The following CSMD1 variants were observed in gnomAD, a reference collection of about 807,000 sequenced individuals.
CSMD1 encodes the protein CUB and Sushi multiple domains 1, also known as CUB and sushi domain-containing protein 1.
Under a neutral mutation model 417.5 loss-of-function variants are expected in CSMD1, and 213 were observed. That is an observed-to-expected ratio of 0.51 (90% CI 0.46 to 0.57). The LOEUF (loss-of-function observed/expected upper bound fraction) is 0.57. CSMD1 is among the 20% of genes least tolerant of loss of function. The probability of loss-of-function intolerance (pLI) is 0.00; values close to 1 mark genes in which losing one functional copy is unlikely to be tolerated. For synonymous variants in CSMD1, 2,862 were observed against 1,736.8 expected (o/e 1.65, Z -16.11); for missense variants, 6,923 against 4,529.7 (o/e 1.53, Z -15.17).
intron 12 of CSMD1, among the ~76,000 whole-genome samples, chr8:3,443,548 T>C (rs935635093): frequency 6.6e-6 from 1 of 152,192 alleles, no homozygotes; most frequent in Non-Finnish European, 1.5e-5. Context: ...TACAAATTAG[T>C]ATTTACAGGG....
At chr8:4,234,371 A>G (rs761405511) in intron 3 of CSMD1, among the ~76,000 whole-genome samples, 10 of 152,106 alleles carry the variant, frequency 6.6e-5, no homozygotes, top group Non-Finnish European at 1.2e-4. Context: ...CAGGAGTGGA[A>G]GATGTGTGGC....
At chr8:3,405,326 G>C (rs1019190072) in intron 15 of CSMD1, among the ~76,000 whole-genome samples, 2 of 152,080 alleles carry the variant, frequency 1.3e-5, no homozygotes, top group Non-Finnish European at 2.9e-5. Flanking sequence ...TTTTTAAAAT[G>C]AGTAATTATT....
intron 18 of CSMD1, among the ~76,000 whole-genome samples, chr8:3,382,034 G>A (rs1425587548): frequency 6.6e-6 from 1 of 152,158 alleles, no homozygotes; most frequent in African/African-American, 2.4e-5. Context: ...GAGGCAGGCA[G>A]ATTACCTGAG....
At chr8:3,282,798 C>A (rs1327344776) in intron 26 of CSMD1, among the ~76,000 whole-genome samples, 2 of 152,116 alleles carry the variant, frequency 1.3e-5, no homozygotes, top group African/African-American at 2.4e-5. Context: ...ATATTAGCAA[C>A]CTTTTAAAGC....
chr8:3,771,813 G>C (rs936949870), intron 5 of CSMD1, among the ~76,000 whole-genome samples: 2 of 152,034 alleles, frequency 1.3e-5, no homozygotes, highest in Admixed American at 6.6e-5. Flanking sequence ...TTTACTATGA[G>C]GCAGAATGAT....
chr8:4,729,751 G>A (rs778292181), intron 1 of CSMD1, among the ~76,000 whole-genome samples: 29 of 152,100 alleles, frequency 1.9e-4, no homozygotes, highest in Admixed American at 6.6e-4. Context: ...CTGTAGGGAA[G>A]GATCTCATAA....
chr8:4,229,012 T>G (rs368958033), intron 3 of CSMD1, among the ~76,000 whole-genome samples: 2 of 152,152 alleles, frequency 1.3e-5, no homozygotes, highest in African/African-American at 4.8e-5. Flanking sequence ...TCCATGAAAT[T>G]GAGACACATA....
intron 5 of CSMD1, among the ~76,000 whole-genome samples, chr8:3,821,941 C>A (rs1444567535): frequency 6.6e-6 from 1 of 152,164 alleles, no homozygotes; most frequent in Non-Finnish European, 1.5e-5. Context: ...GAGAGGTTTT[C>A]CTACATTTCC....
chr8:3,205,475 A>G (rs1374122985), intron 31 of CSMD1, 29 bp downstream of exon 31: 2 of 1,092,002 alleles, frequency 1.8e-6, no homozygotes, highest in Admixed American at 4.4e-5. Context: ...AAATATGACA[A>G]TGAATTAAAA....
chr8:2,970,812 A>C (rs932819141), intron 57 of CSMD1, among the ~76,000 whole-genome samples: 5 of 152,230 alleles, frequency 3.3e-5, no homozygotes, highest in African/African-American at 1.2e-4. Context: ...GGGATTTGAC[A>C]GAAACGTTGA....
At chr8:3,696,380 C>G (rs145204547) in intron 7 of CSMD1, among the ~76,000 whole-genome samples, 1 of 152,212 alleles carries the variant, frequency 6.6e-6, no homozygotes, top group African/African-American at 2.4e-5. Flanking sequence ...TTGTCGTATA[C>G]TTTCACATAT....
At chr8:3,965,607 T>A (rs1187360214) in intron 5 of CSMD1, among the ~76,000 whole-genome samples, 1 of 152,010 alleles carries the variant, frequency 6.6e-6, no homozygotes, top group African/African-American at 2.4e-5. Context: ...TTTTAAAATT[T>A]CTTTTTATTT....
intron 49 of CSMD1, 131 bp from the exon 50 acceptor site, chr8:3,052,778 T>C (rs1476608177): frequency 1.9e-5 from 12 of 627,792 alleles, no homozygotes; most frequent in Admixed American, 5.1e-5. Flanking sequence ...TTTCTTTTTT[T>C]TTCTTTCTTT....
chr8:3,946,253 T>C (rs1811216780), intron 5 of CSMD1, among the ~76,000 whole-genome samples: 1 of 152,198 alleles, frequency 6.6e-6, no homozygotes, highest in Non-Finnish European at 1.5e-5. Flanking sequence ...GATATTGTAA[T>C]TTCCATATTA....
In CSMD1 at chr8:4,966,803, A is replaced by G. The variant is rs548255803; in HGVS notation, c.85+27529T>C. ...GATATACTCGAACTGTAAAAATCCAAAGAATTTATTGCATGCTGTCAACAT... is the reference window on the plus strand; with the variant it reads ...GATATACTCGAACTGTAAAAATCCAGAGAATTTATTGCATGCTGTCAACAT... On this transcript the variant is annotated intron_variant, in intron 1 of 69. Coordinates refer to ENST00000635120, the MANE Select transcript of CSMD1 (RefSeq NM_033225.6). Among the ~76,000 whole-genome samples the G allele has an allele frequency of 6.6e-5, 10 of 152,358 alleles. No individual in the cohort carries two copies. In the South Asian group the frequency reaches 1.9e-3, roughly 28 times the overall value.
chr8:3,734,518 C>A (rs556140565), intron 6 of CSMD1, among the ~76,000 whole-genome samples: 2 of 152,166 alleles, frequency 1.3e-5, no homozygotes, highest in African/African-American at 2.4e-5. Context: ...CAAGACCAAC[C>A]TAACCAACTT....
intron 54 of CSMD1, among the ~76,000 whole-genome samples, chr8:2,992,387 G>T (rs573862458): frequency 6.6e-6 from 1 of 152,138 alleles, no homozygotes; most frequent in East Asian, 1.9e-4. Flanking sequence ...GCACACTTTA[G>T]AACGGTTAAC....
At chr8:4,734,098 A>G (rs1810070175) in intron 1 of CSMD1, among the ~76,000 whole-genome samples, 2 of 152,214 alleles carry the variant, frequency 1.3e-5, no homozygotes, top group African/African-American at 2.4e-5. Flanking sequence ...ATTGATAAAC[A>G]TCAAAAGAGT....
At chr8:3,439,648 T>C (rs1814840923) in intron 12 of CSMD1, among the ~76,000 whole-genome samples, 2 of 152,118 alleles carry the variant, frequency 1.3e-5, no homozygotes, top group African/African-American at 2.4e-5. Flanking sequence ...TGTTTTTCAT[T>C]TTGATAAGGT....
Sources: gnomAD v4.1 joint callset for allele counts (sites outside exome capture counted in the v4.1 genomes callset) on GRCh38, gnomAD v4.1.1 for gene constraint, MANE v1.5 for transcripts, NCBI Gene and HGNC (gene_info 2026-07-23, HGNC 2026-07-21) for gene names.